TNRC6A: variants seen among roughly 807,000 people sequenced by gnomAD.
TNRC6A encodes trinucleotide repeat containing adaptor 6A.
In TNRC6A, 44 loss-of-function variants were observed where a neutral mutation model predicts 221.2. That is an observed-to-expected ratio of 0.20 (90% CI 0.16 to 0.26). The LOEUF (loss-of-function observed/expected upper bound fraction) is 0.26, where lower values mean the gene tolerates loss of function less well. TNRC6A is among the 10% of genes least tolerant of loss of function. The pLI, the probability that TNRC6A is intolerant of heterozygous loss-of-function variation, is 1.00. For synonymous variants in TNRC6A, 847 were observed against 838.5 expected (o/e 1.01, Z -0.18); for missense variants, 2,199 against 2,404.4 (o/e 0.91, Z 1.79).
At position 24,820,139 on chromosome 16, in the gene TNRC6A, C is replaced by T; in HGVS notation, c.5081C>T (p.Ala1694Val). Residue 1694 changes from alanine (A) to valine (V), a missense_variant and splice_region_variant, in exon 22 of 25, where the codon GCC becomes GTC. By Grantham distance (64) the Ala-to-Val change is moderately conservative (BLOSUM62 0). Transcript: ENST00000395799. ...CTCCATTTTTTCCCCCTTTGAGTAG[C>T]CAGAAATAGTGATTCCAAATTGACA... ...PLSSTAQSTS[A>V]RNSDSKLTWS... 1 of 1,613,834 alleles carries T rather than the reference C, an allele frequency of 6.2e-7. No homozygotes were observed. Among genetic ancestry groups the T allele is most frequent in the East Asian group, 2.2e-5 (1 of 44,870 alleles).
At position 24,777,046 on chromosome 16, in the gene TNRC6A, C is replaced by G. The variant is rs2057733771; in HGVS notation, c.277C>G (p.Gln93Glu). 1 of 1,613,512 alleles carries G rather than the reference C, an allele frequency of 6.2e-7. No homozygotes were observed. Among genetic ancestry groups the G allele is most frequent in the Non-Finnish European group, 8.5e-7 (1 of 1,179,838 alleles). Reference sequence around the variant, plus strand: ...TGCCAAGCGAGCTACAGCCAACAATCAGCAGCCACAGCAGCAGCAGCAACA... The same window carrying G: ...TGCCAAGCGAGCTACAGCCAACAATGAGCAGCCACAGCAGCAGCAGCAACA... ...NNAKRATANN[Q>E]QPQQQQQQQQ... The change falls in exon 5 of 25, where the codon CAG becomes GAG. Residue 93 changes from glutamine (Q) to glutamate (E), a missense_variant. Physicochemically the swap from Gln to Glu is conservative, Grantham distance 29 (BLOSUM62 2). Around this residue, in one of 8 missense-constraint regions of TNRC6A, gnomAD observed 1,405 missense variants for 1,400.2 expected, o/e 1.00. Transcript: ENST00000395799.
At chr16:24,775,271 A>G (rs772839827) in intron 4 of TNRC6A, among the ~76,000 whole-genome samples, 3 of 152,140 alleles carry the variant, frequency 2.0e-5, no homozygotes, top group Non-Finnish European at 4.4e-5. Flanking sequence ...TCAGTAAGAG[A>G]CTCATCAGTG....
intron 2 of TNRC6A, among the ~76,000 whole-genome samples, chr16:24,692,380 G>T (rs2055772953): frequency 1.3e-5 from 2 of 152,096 alleles, no homozygotes; most frequent in South Asian, 4.1e-4. Flanking sequence ...AAACCAGCCT[G>T]GTCAACATGG....
chr16:24,671,510 A>G (rs2141997763), intron 2 of TNRC6A, among the ~76,000 whole-genome samples: 1 of 152,318 alleles, frequency 6.6e-6, no homozygotes, highest in South Asian at 2.1e-4. Flanking sequence ...TGTGCCAGAC[A>G]CTGCACTAGG....
chr16:24,729,802 C>T lies in TNRC6A; in HGVS notation c.-40C>T. The T allele has an allele frequency of 2.1e-6, 3 of 1,407,924 alleles. No homozygotes were observed. Among genetic ancestry groups the T allele is most frequent in the South Asian group, 1.5e-5 (1 of 64,652 alleles). 87.2% of individuals were successfully genotyped at this position (1,407,924 alleles called of 1,614,324 possible). On this transcript the variant is annotated 5_prime_UTR_variant, in exon 1 of 25. Transcript: ENST00000395799. ...TGCGGAGGGCTTGAGGCTCGCGAGC[C>T]TCCTTCGCCGCGCCCCACTTGCTCG...
chr16:24,743,480 C>T (rs1448356023), intron 2 of TNRC6A, among the ~76,000 whole-genome samples: 1 of 152,096 alleles, frequency 6.6e-6, no homozygotes, highest in Admixed American at 6.6e-5. Context: ...CATGCACCAC[C>T]ACACCCAGTT....
chr16:24,678,273 TAC>T (rs2055459790), intron 2 of TNRC6A, among the ~76,000 whole-genome samples: 1 of 142,242 alleles, frequency 7.0e-6, no homozygotes, highest in African/African-American at 2.7e-5. Flanking sequence ...ATCGTGCCAC[TAC>T]ACTCCAGCCT....
chr16:24,749,832 A>C (rs1243646351), intron 2 of TNRC6A, among the ~76,000 whole-genome samples: 2 of 152,224 alleles, frequency 1.3e-5, no homozygotes, highest in Non-Finnish European at 2.9e-5. Context: ...AAATTTAAAC[A>C]AACTAATATG....
intron 2 of TNRC6A, among the ~76,000 whole-genome samples, chr16:24,748,571 C>CTTTTAGCTGATTT (rs1412060333): frequency 6.6e-6 from 1 of 152,094 alleles, no homozygotes; most frequent in African/African-American, 2.4e-5. Context: ...TCCAGTTATC[C>CTTTTAGCTGATTT]TTTTAGCTGA....
At chr16:24,668,214 G>A (rs537857967) in intron 2 of TNRC6A, among the ~76,000 whole-genome samples, 57 of 152,078 alleles carry the variant, frequency 3.7e-4, no homozygotes, top group African/African-American at 1.3e-3. Flanking sequence ...TGTAATCCCA[G>A]CTACTTGAGA....
At chr16:24,613,266 C>G (rs1024881928) in intron 1 of TNRC6A, among the ~76,000 whole-genome samples, 2 of 151,402 alleles carry the variant, frequency 1.3e-5, no homozygotes, top group African/African-American at 4.8e-5. Flanking sequence ...AAGGGTCAAC[C>G]AGGTGGCGTG....
chr16:24,719,743 G>A (rs1315696676), intron 2 of TNRC6A, among the ~76,000 whole-genome samples: 1 of 151,712 alleles, frequency 6.6e-6, no homozygotes, highest in East Asian at 1.9e-4. Context: ...CAGGAGGTTG[G>A]GGCAGGAGGA....
At chr16:24,723,531 T>C (rs2056445826) in intron 2 of TNRC6A, among the ~76,000 whole-genome samples, 1 of 151,262 alleles carries the variant, frequency 6.6e-6, no homozygotes, top group Non-Finnish European at 1.5e-5. Flanking sequence ...GAGGTGAAGG[T>C]TGCAGTGAGC....
At chr16:24,778,739 T>C (rs1194792899) in intron 5 of TNRC6A, among the ~76,000 whole-genome samples, 3 of 152,156 alleles carry the variant, frequency 2.0e-5, no homozygotes, top group Admixed American at 2.0e-4. Context: ...TAATAACTCT[T>C]ATAGAAGGAC....
chr16:24,685,462 A>G (rs543105828), intron 2 of TNRC6A, among the ~76,000 whole-genome samples: 1 of 152,158 alleles, frequency 6.6e-6, no homozygotes, highest in African/African-American at 2.4e-5. Flanking sequence ...TCAGCCTCCC[A>G]AGTAGCTGGG....
At chr16:24,720,416 T>TG (rs1376461627) in intron 2 of TNRC6A, among the ~76,000 whole-genome samples, 1 of 151,536 alleles carries the variant, frequency 6.6e-6, no homozygotes, top group African/African-American at 2.4e-5. Flanking sequence ...AGGTCAGGTG[T>TG]GGGGGCTCAA....
Position 24,805,591 on chromosome 16 carries a change from A to G in TNRC6A, c.4123-14A>G, listed in dbSNP as rs771840118. On this transcript the variant is annotated splice_polypyrimidine_tract_variant and intron_variant, in intron 14 of 24. Transcript: ENST00000395799. ...ATTTTATCAAGATCATTAACTTACC[A>G]TTGTGATCCTAAGGTTCCAGTTTCA... 4.2e-5 allele frequency: 67 copies of G among 1,613,794 alleles called. 1 individual carries two copies. The South Asian group carries it at 5.9e-4, about 14-fold the overall frequency.
intron 2 of TNRC6A, chr16:24,664,966 G>C (rs550979645): frequency 2.2e-6 from 1 of 456,336 alleles, no homozygotes. Flanking sequence ...ACAGAATCAC[G>C]GGATGGTTGC....
At chr16:24,686,092 G>A (rs145933084) in intron 2 of TNRC6A, among the ~76,000 whole-genome samples, 3 of 152,284 alleles carry the variant, frequency 2.0e-5, no homozygotes, top group African/African-American at 7.2e-5. Flanking sequence ...TGGCTTCGTG[G>A]GGGTTAAGTC....
Sources: gnomAD v4.1 joint callset for allele counts (sites outside exome capture counted in the v4.1 genomes callset) on GRCh38, gnomAD v4.1.1 for gene constraint, gnomAD v4.1.1 regional missense constraint, MANE v1.5 for transcripts, NCBI Gene and HGNC (gene_info 2026-07-23, HGNC 2026-07-21) for gene names.